Variants in HMGN5 observed in about 807,000 individuals in gnomAD.
The protein encoded by HMGN5 is high mobility group nucleosome binding domain 5, also known as high mobility group nucleosome-binding domain-containing protein 5.
HMGN5 carries 4 observed loss-of-function variants against 9.5 expected under a neutral mutation model. The observed-to-expected ratio is 0.42, with a 90% CI of 0.21 to 0.96. HMGN5 has a LOEUF of 0.96. Among genes scored for constraint, HMGN5 ranks in the 40% least tolerant of loss-of-function variants. The pLI, the probability that HMGN5 is intolerant of heterozygous loss-of-function variation, is 0.30. For synonymous variants in HMGN5, 55 were observed against 57.1 expected, an observed-to-expected ratio of 0.96 and a Z score of 0.16; for missense variants, 192 against 187.5, an observed-to-expected ratio of 1.02 and a Z score of -0.14.
chrX:81,174,563 CAT>C (rs759496782), intron 1 of HMGN5, among the ~76,000 whole-genome samples: 10 of 111,274 alleles, frequency 9.0e-5, no homozygotes, highest in South Asian at 3.7e-4. Context: ...TAGTTAAAAA[CAT>C]AGAATAAAAT....
At chrX:81,118,655 G>T in intron 4 of HMGN5, 75 bp downstream of exon 4, 1 of 935,819 alleles carries the variant, frequency 1.1e-6, no homozygotes, top group Non-Finnish European at 1.5e-6. Context: ...ATCGTGTATT[G>T]AATATTTTAG....
intron 1 of HMGN5, among the ~76,000 whole-genome samples, chrX:81,122,884 G>C: frequency 9.0e-6 from 1 of 110,787 alleles, no homozygotes; most frequent in Non-Finnish European, 1.9e-5. Flanking sequence ...TTAAAATAGA[G>C]GATCTAATTC....
chrX:81,154,552 A>G (rs2075377668), intron 1 of HMGN5, among the ~76,000 whole-genome samples: 3 of 111,519 alleles, frequency 2.7e-5, no homozygotes, highest in Non-Finnish European at 3.8e-5. Context: ...GCACAGCAAA[A>G]GAAACAATCA....
chrX:81,187,857 T>C (rs2075481694), intron 1 of HMGN5, among the ~76,000 whole-genome samples: 1 of 111,308 alleles, frequency 9.0e-6, no homozygotes, highest in African/African-American at 3.3e-5. Flanking sequence ...TTTTTGTGTA[T>C]CTATTGTATG....
chrX:81,152,713 C>T (rs1196701221), intron 1 of HMGN5, among the ~76,000 whole-genome samples: 4 of 108,599 alleles, frequency 3.7e-5, no homozygotes, highest in African/African-American at 1.0e-4. Context: ...TATTGTGGCA[C>T]TATTCACAAT....
intron 1 of HMGN5, among the ~76,000 whole-genome samples, chrX:81,149,242 T>C (rs756238721): frequency 9.0e-6 from 1 of 111,554 alleles, no homozygotes; most frequent in South Asian, 3.8e-4. Flanking sequence ...TGTCCACCAA[T>C]GGTAGAGTGG....
rs764793177 is a variant in HMGN5 at position 81,129,942 on chromosome X, A to G, written c.-123-8270T>C. On this transcript the variant is annotated intron_variant, in intron 1 of 6. Transcript: ENST00000358130. Reference sequence around the variant, plus strand: ...TGACTCATTGTCACCTTCTCTACTTAATTAAGTACTTTCCTGGCTTGACAG... The same window carrying G: ...TGACTCATTGTCACCTTCTCTACTTGATTAAGTACTTTCCTGGCTTGACAG... 4.5e-5 allele frequency among the ~76,000 whole-genome samples: 5 copies of G among 111,921 alleles called. No homozygotes were observed. The Middle Eastern group carries it at 0.014, about 307-fold the overall frequency.
chrX:81,139,850 C>T (rs1434153524), intron 1 of HMGN5, among the ~76,000 whole-genome samples: 1 of 112,237 alleles, frequency 8.9e-6, no homozygotes, highest in African/African-American at 3.2e-5. Context: ...ACTTGATTTC[C>T]TGCAAACCTC....
At chrX:81,175,849 G>A (rs1280256384) in intron 1 of HMGN5, among the ~76,000 whole-genome samples, 2 of 111,767 alleles carry the variant, frequency 1.8e-5, no homozygotes, top group African/African-American at 3.2e-5. Context: ...AGCTCCAGTC[G>A]GCAGATCCCA....
At chrX:81,150,393 G>A (rs1319516316) in intron 1 of HMGN5, among the ~76,000 whole-genome samples, 1 of 110,204 alleles carries the variant, frequency 9.1e-6, no homozygotes, top group Non-Finnish European at 1.9e-5. Flanking sequence ...ATGAAACCCC[G>A]TCTCTACTAA....
intron 1 of HMGN5, among the ~76,000 whole-genome samples, chrX:81,173,262 A>G (rs752519147): frequency 4.5e-5 from 5 of 111,404 alleles, no homozygotes; most frequent in Non-Finnish European, 7.6e-5. Flanking sequence ...AGTTCAGTGA[A>G]AAAAAGCAAG....
At chrX:81,201,194 ACT>A (rs1180426828) in intron 1 of HMGN5, among the ~76,000 whole-genome samples, 1 of 108,484 alleles carries the variant, frequency 9.2e-6, no homozygotes, top group Non-Finnish European at 1.9e-5. Context: ...ACTCCTCTCC[ACT>A]CTCATTCATC....
At chrX:81,143,753 G>T (rs957465530) in intron 1 of HMGN5, among the ~76,000 whole-genome samples, 1 of 112,394 alleles carries the variant, frequency 8.9e-6, no homozygotes, top group African/African-American at 3.2e-5. Context: ...AGATCCACTG[G>T]CTTGAAATTC....
intron 1 of HMGN5, chrX:81,195,027 G>A (rs1256573304): frequency 1.8e-5 from 2 of 111,556 alleles, no homozygotes; most frequent in African/African-American, 6.5e-5. Context: ...GGGGAAGATA[G>A]AGAGCGTATT....
intron 1 of HMGN5, among the ~76,000 whole-genome samples, chrX:81,190,405 A>G (rs1390742797): frequency 2.7e-5 from 3 of 110,812 alleles, no homozygotes; most frequent in Non-Finnish European, 5.7e-5. Flanking sequence ...CATCACCACA[A>G]CCAATTTTAG....
At chrX:81,152,353 T>C (rs1017030520) in intron 1 of HMGN5, among the ~76,000 whole-genome samples, 5 of 111,761 alleles carry the variant, frequency 4.5e-5, no homozygotes, top group African/African-American at 1.3e-4. Flanking sequence ...CAGACACTTC[T>C]CAAAAGAGGA....
chrX:81,162,103 G>A (rs998215164), intron 1 of HMGN5, among the ~76,000 whole-genome samples: 3 of 110,915 alleles, frequency 2.7e-5, no homozygotes, highest in Admixed American at 9.7e-5. Flanking sequence ...AGGATCTTAA[G>A]GACAGATACA....
intron 1 of HMGN5, among the ~76,000 whole-genome samples, chrX:81,157,730 G>A (rs934349253): frequency 9.0e-6 from 1 of 111,166 alleles, no homozygotes; most frequent in African/African-American, 3.3e-5. Flanking sequence ...GAATTATGAG[G>A]CCTGAGTTTC....
intron 1 of HMGN5, among the ~76,000 whole-genome samples, chrX:81,166,273 C>A (rs2075411026): frequency 2.7e-5 from 3 of 111,491 alleles, no homozygotes; most frequent in African/African-American, 9.8e-5. Context: ...CCAAATTCTT[C>A]TTTCCATATA....
Sources: allele counts gnomAD v4.1 joint callset (sites outside exome capture counted in the v4.1 genomes callset), GRCh38; gene constraint gnomAD v4.1.1; transcripts MANE v1.5; gene names NCBI Gene and HGNC (gene_info 2026-07-23, HGNC 2026-07-21).